ANKRD28: variants seen among roughly 807,000 people sequenced by gnomAD.
The protein encoded by ANKRD28 is serine/threonine-protein phosphatase 6 regulatory ankyrin repeat subunit A.
ANKRD28 carries 44 observed loss-of-function variants against 126.5 expected under a neutral mutation model. That is an observed-to-expected ratio of 0.35 (90% CI 0.27 to 0.45). The LOEUF (loss-of-function observed/expected upper bound fraction) is 0.45, where lower values mean the gene tolerates loss of function less well. ANKRD28 is among the 20% of genes least tolerant of loss of function. ANKRD28 has a pLI of 1.00. For missense variants in ANKRD28, 1,110 were observed against 1,316.6 expected, an observed-to-expected ratio of 0.84 and a Z score of 2.43; for synonymous variants, 442 against 468.5, an observed-to-expected ratio of 0.94 and a Z score of 0.73.
chr3:15,687,348 C>T (rs1448810666), intron 18 of ANKRD28, among the ~76,000 whole-genome samples: 1 of 150,892 alleles, frequency 6.6e-6, no homozygotes, highest in South Asian at 2.1e-4. Context: ...TATATATATA[C>T]ATACAGTACA....
chr3:15,692,037 G>A (rs1030751250), intron 17 of ANKRD28, among the ~76,000 whole-genome samples: 3 of 151,900 alleles, frequency 2.0e-5, no homozygotes, highest in African/African-American at 7.3e-5. Flanking sequence ...CTATGCAGGA[G>A]GCTGAGGCGG....
At chr3:15,786,535 T>C (rs768476824) in intron 2 of ANKRD28, among the ~76,000 whole-genome samples, 14 of 152,092 alleles carry the variant, frequency 9.2e-5, no homozygotes, top group Non-Finnish European at 1.8e-4. Flanking sequence ...GTTAACTATC[T>C]TGACTGTGGT....
In ANKRD28 at chr3:15,676,671, AC is replaced by A. The variant is rs957961162; in HGVS notation, c.2873+302del. ...TGTTAGTTTCAAGTAACATATTATTACAGTTGATTTCCACAGAATACACAAA... is the reference window on the plus strand; with the variant it reads ...TGTTAGTTTCAAGTAACATATTATTAAGTTGATTTCCACAGAATACACAAA... On this transcript the variant is annotated intron_variant, in intron 26 of 27. Coordinates refer to ENST00000683139, the MANE Select transcript of ANKRD28 (RefSeq NM_001349278.2). The A allele has an allele frequency of 1.8e-4, 41 of 231,918 alleles. 6 individuals carry two copies. The highest frequency in any genetic ancestry group is 7.9e-4 in the Admixed American group (15 of 18,974). 14.4% of individuals were successfully genotyped at this position (231,918 alleles called of 1,614,324 possible).
chr3:15,701,778 T>C (rs1197360151), intron 14 of ANKRD28, among the ~76,000 whole-genome samples: 1 of 152,194 alleles, frequency 6.6e-6, no homozygotes, highest in Non-Finnish European at 1.5e-5. Flanking sequence ...AAACTAATTC[T>C]GAGGACATGT....
intron 18 of ANKRD28, among the ~76,000 whole-genome samples, chr3:15,688,565 C>T (rs1265405169): frequency 6.6e-6 from 1 of 151,994 alleles, no homozygotes; most frequent in Non-Finnish European, 1.5e-5. Flanking sequence ...TTTTCTCAGC[C>T]CCACTTGAAC....
chr3:15,709,611 G>A, intron 13 of ANKRD28, 57 bp downstream of exon 13: 1 of 1,206,236 alleles, frequency 8.3e-7, no homozygotes, highest in Non-Finnish European at 1.2e-6. Context: ...CAGTTAGAAG[G>A]TCAATCAAGT....
intron 4 of ANKRD28, among the ~76,000 whole-genome samples, chr3:15,751,095 T>TC (rs2057834735): frequency 6.6e-6 from 1 of 152,104 alleles, no homozygotes; most frequent in Non-Finnish European, 1.5e-5. Context: ...GAGTAGTTTT[T>TC]CATGAATCAT....
chr3:15,716,607 A>G (rs887305131), intron 8 of ANKRD28, among the ~76,000 whole-genome samples: 1 of 152,110 alleles, frequency 6.6e-6, no homozygotes, highest in Non-Finnish European at 1.5e-5. Flanking sequence ...TTTTACAGAC[A>G]TAAGGAAAAA....
At position 15,797,819 on chromosome 3, in the gene ANKRD28, C is replaced by G. The variant is rs1201171610; in HGVS notation, c.-1298G>C. ...CCTCAGATGATCTTGCAAAACACCA[C>G]TGACATCCCCAAATGAGTAGGTCCT... On this transcript the variant is annotated 5_prime_UTR_variant, in exon 1 of 28. Transcript: ENST00000683139. The G allele has an allele frequency of 1.0e-6, 1 of 985,306 alleles. No individual in the cohort carries two copies. Among genetic ancestry groups the G allele is most frequent in the African/African-American group, 1.7e-5 (1 of 57,234 alleles). The allele number at this position is 985,306 out of a possible 1,614,324, so 61.0% of individuals were successfully genotyped here.
Position 15,839,986 on chromosome 3 carries a change from T to C in ANKRD28, c.27+19391A>G, listed in dbSNP as rs752774117. 2.6e-5 allele frequency among the ~76,000 whole-genome samples: 4 copies of C among 152,202 alleles called. No individual in the cohort carries two copies. Among genetic ancestry groups the C allele is most frequent in the Non-Finnish European group, 5.9e-5 (4 of 68,042 alleles). ...ATTGGAAAGTCTATCCTCTAAGATC[T>C]GGACCACAACTAGGATGCCCACTGT... On this transcript the variant is annotated intron_variant, in intron 1 of 27. Transcript: ENST00000399451. The surrounding 1 kb of genome is among the most constrained non-coding windows in gnomAD (Gnocchi z 4.3).
intron 4 of ANKRD28, among the ~76,000 whole-genome samples, chr3:15,749,568 C>A (rs1283143010): frequency 6.6e-6 from 1 of 152,112 alleles, no homozygotes; most frequent in Admixed American, 6.5e-5. Context: ...TGTTAAATAA[C>A]CTTGTTTTGT....
intron 1 of ANKRD28, among the ~76,000 whole-genome samples, chr3:15,850,224 T>TATATATATATATATATATATATATAG (rs1418223588): frequency 2.8e-5 from 1 of 35,116 alleles, no homozygotes. Context: ...TATATATATA[T>TATATATATATATATATATATATATAG]AGAGAGAGAG....
chr3:15,831,306 C>G (rs917936531), intron 1 of ANKRD28, among the ~76,000 whole-genome samples: 2 of 152,154 alleles, frequency 1.3e-5, no homozygotes, highest in African/African-American at 4.8e-5. Flanking sequence ...CTGTTTTGCC[C>G]AAGACCAAAA....
At chr3:15,735,857 T>C (rs1191442176) in intron 5 of ANKRD28, among the ~76,000 whole-genome samples, 1 of 152,184 alleles carries the variant, frequency 6.6e-6, no homozygotes, top group Non-Finnish European at 1.5e-5. Flanking sequence ...TCTAGAAATG[T>C]CTTAAACTTA....
intron 7 of ANKRD28, among the ~76,000 whole-genome samples, chr3:15,723,200 C>T (rs1309391691): frequency 6.6e-6 from 1 of 152,180 alleles, no homozygotes; most frequent in Non-Finnish European, 1.5e-5. Context: ...ATTTTTGCAA[C>T]GTCTTCTTGT....
At chr3:15,685,979 G>A (rs1209037271) in intron 20 of ANKRD28, 23 bp downstream of exon 20, 7 of 1,589,876 alleles carry the variant, frequency 4.4e-6, no homozygotes, top group South Asian at 1.1e-5. Flanking sequence ...CTTTTTGAAA[G>A]GAAAGAGCAT....
intron 1 of ANKRD28, among the ~76,000 whole-genome samples, chr3:15,856,700 A>T (rs189464022): frequency 6.6e-6 from 1 of 152,232 alleles, no homozygotes; most frequent in African/African-American, 2.4e-5. Context: ...AGAGAAAATT[A>T]TCTTATTCAA....
At chr3:15,778,986 G>A (rs1261969846) in intron 2 of ANKRD28, among the ~76,000 whole-genome samples, 1 of 152,168 alleles carries the variant, frequency 6.6e-6, no homozygotes, top group Non-Finnish European at 1.5e-5. Flanking sequence ...CCTGTGAAGA[G>A]GTGCCTTCTG....
At chr3:15,732,283 T>G (rs888996248) in intron 6 of ANKRD28, 1 of 152,188 alleles carries the variant, frequency 6.6e-6, no homozygotes, top group African/African-American at 2.4e-5. Flanking sequence ...GGAATTAAAT[T>G]AAATTCACTG....
Sources: gnomAD v4.1 joint callset for allele counts (sites outside exome capture counted in the v4.1 genomes callset) on GRCh38, gnomAD v4.1.1 for gene constraint, Gnocchi (gnomAD v3.1) non-coding constraint, MANE v1.5 for transcripts, NCBI Gene and HGNC (gene_info 2026-07-23, HGNC 2026-07-21) for gene names.